The following SMYD1 variants were observed in gnomAD, a reference collection of about 807,000 sequenced individuals.
The protein encoded by SMYD1 is histone-lysine N-methyltransferase SMYD1.
Under a neutral mutation model 54.0 loss-of-function variants are expected in SMYD1, and 49 were observed. That is an observed-to-expected ratio of 0.91 (90% confidence interval 0.72 to 1.15). The LOEUF is 1.15. Ranked by LOEUF, SMYD1 falls within the 50% of genes most tolerant of loss-of-function variation. SMYD1 has a pLI of 0.00. For missense variants in SMYD1, 653 were observed against 639.6 expected (o/e 1.02, Z -0.23); for synonymous variants, 269 against 234.2 (o/e 1.15, Z -1.36).
intron 1 of SMYD1, among the ~76,000 whole-genome samples, chr2:88,075,569 A>G (rs1573101556): frequency 2.4e-5 from 1 of 41,364 alleles, no homozygotes; most frequent in African/African-American, 4.9e-5. Context: ...ATAGGGTCTC[A>G]CTCTGTTGGT....
Position 88,103,040 on chromosome 2 carries a change from T to G in SMYD1, c.889-18T>G. The G allele has an allele frequency of 1.2e-6, 2 of 1,610,324 alleles. No homozygotes were observed. Among genetic ancestry groups the G allele is most frequent in the Non-Finnish European group, 1.7e-6 (2 of 1,176,636 alleles). On this transcript the variant is annotated intron_variant, in intron 6 of 9. Coordinates refer to ENST00000419482, the MANE Select transcript of SMYD1 (RefSeq NM_198274.4). ...CCTCATGAAGGCATCTCTAGCTCAA[T>G]GTGTCTCTCTTTCCCAGCCCTCTCA...
Position 88,098,525 on chromosome 2 carries a change from C to T in SMYD1, c.888+1741C>T, listed in dbSNP as rs13391290. ...TTTATATCAAATTGAGTTTCTCTAT[C>T]AAAACAACTCAAAAATAACTCACCT... On this transcript the variant is annotated intron_variant, in intron 6 of 9. Coordinates refer to ENST00000419482, the MANE Select transcript of SMYD1 (RefSeq NM_198274.4). 6.7e-3 allele frequency among the ~76,000 whole-genome samples: 1,023 copies of T among 152,126 alleles called. 11 individuals are homozygous for T. The highest frequency in any genetic ancestry group is 0.023 in the African/African-American group (948 of 41,492).
At chr2:88,101,166 G>A (rs2104008472) in intron 6 of SMYD1, among the ~76,000 whole-genome samples, 1 of 152,346 alleles carries the variant, frequency 6.6e-6, no homozygotes, top group South Asian at 2.1e-4. Flanking sequence ...GGTCTACAGA[G>A]GGGGATACAT....
chr2:88,084,457 C>G lies in SMYD1; in HGVS notation c.279C>G (p.Ile93Met). Residue 93 changes from isoleucine (I) to methionine (M), a missense_variant, in exon 2 of 10, where the codon ATC (isoleucine) becomes ATG (methionine). Ile to Met is a conservative substitution (Grantham distance 10). Coordinates refer to ENST00000419482, the MANE Select transcript of SMYD1 (RefSeq NM_198274.4). ...ACCACAAGAATGAATGTTCGGCCAT[C>G]AAGAGATATGGGAAGGTGCCCAATG... Reference protein sequence around the residue: ...WLNHKNECSAIKRYGKVPNEN... With the variant: ...WLNHKNECSAMKRYGKVPNEN... 6.2e-7 allele frequency: 1 copy of G among 1,603,152 alleles called. No individual in the cohort carries two copies. Among genetic ancestry groups the G allele is most frequent in the Non-Finnish European group, 8.5e-7 (1 of 1,171,222 alleles).
At chr2:88,108,062 T>C (rs1674923105) in intron 8 of SMYD1, among the ~76,000 whole-genome samples, 1 of 152,248 alleles carries the variant, frequency 6.6e-6, no homozygotes, top group African/African-American at 2.4e-5. Flanking sequence ...ACTGGAGCTG[T>C]TCCTATTCGG....
intron 6 of SMYD1, among the ~76,000 whole-genome samples, chr2:88,100,975 G>A (rs1292567563): frequency 6.6e-6 from 1 of 152,304 alleles, no homozygotes; most frequent in East Asian, 1.9e-4. Flanking sequence ...AAATTATAGG[G>A]ATAGCCAAGA....
At chr2:88,078,472 C>T (rs1282233628) in intron 1 of SMYD1, among the ~76,000 whole-genome samples, 1 of 152,158 alleles carries the variant, frequency 6.6e-6, no homozygotes, top group East Asian at 1.9e-4. Context: ...CTCCAGGTCA[C>T]ACAGCCAGTA....
chr2:88,104,345 G>C (rs1573121089), intron 7 of SMYD1, among the ~76,000 whole-genome samples: 1 of 152,116 alleles, frequency 6.6e-6, no homozygotes, highest in East Asian at 1.9e-4. Context: ...ACCCTTACTG[G>C]GGTGGCCAAC....
In SMYD1 at chr2:88,082,360, C is replaced by A. The variant is rs570762414; in HGVS notation, c.138-1956C>A. ...TTGTTAACAAATTAGTAGCAATACA[C>A]CTCCTAGTGGATGGGGACACAGCAG... On this transcript the variant is annotated intron_variant, in intron 1 of 9. Transcript: ENST00000419482. Among the ~76,000 whole-genome samples, 6 of 152,346 alleles carry A rather than the reference C, an allele frequency of 3.9e-5. No homozygotes were observed. In the South Asian group the frequency reaches 1.0e-3, roughly 26 times the overall value.
At chr2:88,068,495 G>T (rs1193269406) in intron 1 of SMYD1, among the ~76,000 whole-genome samples, 1 of 151,930 alleles carries the variant, frequency 6.6e-6, no homozygotes, top group African/African-American at 2.4e-5. Context: ...AGTCCCCTCT[G>T]TCTTTCCTCA....
At chr2:88,070,279 T>G (rs2919874) in intron 1 of SMYD1, among the ~76,000 whole-genome samples, 137,686 of 152,138 alleles carry the variant, frequency 0.91, 62,495 homozygotes, top group East Asian at 1. Flanking sequence ...GATGAGAAAC[T>G]TGATTGCAGA....
intron 6 of SMYD1, among the ~76,000 whole-genome samples, chr2:88,102,461 T>A (rs2363009): frequency 0.12 from 18,343 of 152,214 alleles, 1,254 homozygotes; most frequent in African/African-American, 0.19. Context: ...TATTCTCCTG[T>A]TATCCTTTTG....
intron 1 of SMYD1, chr2:88,082,579 C>G (rs1196532458): frequency 1.3e-5 from 2 of 154,360 alleles, no homozygotes; most frequent in Non-Finnish European, 2.9e-5. Context: ...GGTCCTTGAG[C>G]CTGACCCCCT....
At chr2:88,103,265 G>T (rs549995354) in intron 7 of SMYD1, 115 bp downstream of exon 7, 29 of 750,818 alleles carry the variant, frequency 3.9e-5, no homozygotes, top group Admixed American at 3.0e-4. Context: ...TACCAAGCAG[G>T]TTATTTTTCT....
chr2:88,110,234 T>TGTGTG, intron 9 of SMYD1, 120 bp from the exon 10 acceptor site: 1 of 1,021,428 alleles, frequency 9.8e-7, no homozygotes, highest in Middle Eastern at 2.9e-4. Context: ...TGTGTGTGTG[T>TGTGTG]ATTCTGAGGG....
chr2:88,103,733 G>C (rs1674782746), intron 7 of SMYD1, among the ~76,000 whole-genome samples: 2 of 152,086 alleles, frequency 1.3e-5, no homozygotes, highest in African/African-American at 4.8e-5. Flanking sequence ...CCAAAGCCGA[G>C]ACCCACTGCC....
chr2:88,092,050 A>G (rs1044703555), intron 4 of SMYD1, among the ~76,000 whole-genome samples: 1 of 152,204 alleles, frequency 6.6e-6, no homozygotes, highest in East Asian at 1.9e-4. Flanking sequence ...GGCCCCCAAC[A>G]GCTCAGCTGT....
chr2:88,091,223 G>A, intron 4 of SMYD1, 81 bp downstream of exon 4: 1 of 1,468,266 alleles, frequency 6.8e-7, no homozygotes, highest in Non-Finnish European at 9.3e-7. Flanking sequence ...TTAAGCCAAA[G>A]TCAACCTGCT....
At chr2:88,084,584 A>T in intron 2 of SMYD1, 92 bp downstream of exon 2, 1 of 1,269,744 alleles carries the variant, frequency 7.9e-7, no homozygotes, top group Non-Finnish European at 1.1e-6. Flanking sequence ...AAGGAAGCCA[A>T]GCTGAGTGCA....
Sources: gnomAD v4.1 joint callset for allele counts (sites outside exome capture counted in the v4.1 genomes callset) on GRCh38, gnomAD v4.1.1 for gene constraint, MANE v1.5 for transcripts, NCBI Gene and HGNC (gene_info 2026-07-23, HGNC 2026-07-21) for gene names.